The following PTPRD variants were observed in gnomAD, a reference collection of about 807,000 sequenced individuals.
The protein encoded by PTPRD is protein tyrosine phosphatase receptor type D, also known as receptor-type tyrosine-protein phosphatase delta.
Under a neutral mutation model 214.5 loss-of-function variants are expected in PTPRD, and 34 were observed. That is an observed-to-expected ratio of 0.16 (90% CI 0.12 to 0.21). The LOEUF is 0.21. PTPRD is among the 10% of genes least tolerant of loss of function. PTPRD has a pLI of 1.00. For synonymous variants in PTPRD, 1,128 were observed against 845.7 expected, an observed-to-expected ratio of 1.33 and a Z score of -5.79; for missense variants, 2,545 against 2,398.7, an observed-to-expected ratio of 1.06 and a Z score of -1.27.
intron 11 of PTPRD, among the ~76,000 whole-genome samples, chr9:9,005,621 A>T (rs753887586): frequency 9.9e-5 from 15 of 151,994 alleles, no homozygotes; most frequent in Non-Finnish European, 1.8e-4. Flanking sequence ...AGAAGACTAA[A>T]ATTCTGCTGC....
intron 3 of PTPRD, among the ~76,000 whole-genome samples, chr9:10,049,857 C>A (rs928436277): frequency 6.6e-6 from 1 of 152,160 alleles, no homozygotes; most frequent in Non-Finnish European, 1.5e-5. Context: ...TTACACCTGA[C>A]AAGGGACTTT....
chr9:9,298,165 C>A (rs1953838883), intron 9 of PTPRD, among the ~76,000 whole-genome samples: 2 of 151,550 alleles, frequency 1.3e-5, no homozygotes, highest in Admixed American at 6.6e-5. Flanking sequence ...TGAACTTAGG[C>A]AGTTGATAAA....
chr9:10,394,911 T>A (rs535460369), intron 2 of PTPRD, among the ~76,000 whole-genome samples: 2 of 151,646 alleles, frequency 1.3e-5, no homozygotes, highest in South Asian at 4.1e-4. Flanking sequence ...GGATTTAATA[T>A]GCATTTACTG....
At chr9:9,190,155 C>A (rs535294881) in intron 9 of PTPRD, among the ~76,000 whole-genome samples, 1 of 152,144 alleles carries the variant, frequency 6.6e-6, no homozygotes, top group South Asian at 2.1e-4. Context: ...GTGATTAGGT[C>A]ATGAGGGCTC....
intron 8 of PTPRD, among the ~76,000 whole-genome samples, chr9:9,472,949 ATATATT>A (rs1430814307): frequency 5.3e-5 from 8 of 152,154 alleles, no homozygotes; most frequent in Non-Finnish European, 1.0e-4. Flanking sequence ...TCCACACCTC[ATATATT>A]TATTATTTCT....
At chr9:9,928,456 C>T (rs2085121444) in intron 5 of PTPRD, among the ~76,000 whole-genome samples, 1 of 152,018 alleles carries the variant, frequency 6.6e-6, no homozygotes, top group African/African-American at 2.4e-5. Flanking sequence ...ATTTGATGGG[C>T]AGGCAATTTA....
At chr9:10,080,724 T>C (rs2098222802) in intron 3 of PTPRD, among the ~76,000 whole-genome samples, 1 of 152,154 alleles carries the variant, frequency 6.6e-6, no homozygotes, top group Admixed American at 6.6e-5. Flanking sequence ...CTTTTCTTTA[T>C]AGGGACTCCT....
intron 7 of PTPRD, among the ~76,000 whole-genome samples, chr9:9,645,437 T>C (rs2154368996): frequency 6.8e-6 from 1 of 146,702 alleles, no homozygotes; most frequent in African/African-American, 2.5e-5. Context: ...ATTATAATTA[T>C]CAGGTTTCCC....
intron 3 of PTPRD, among the ~76,000 whole-genome samples, chr9:10,278,792 T>C (rs558812253): frequency 1.7e-4 from 26 of 149,214 alleles, no homozygotes; most frequent in African/African-American, 5.9e-4. Context: ...GTTTTGTTTT[T>C]CAGATGGAGT....
chr9:10,076,411 G>T (rs550113519), intron 3 of PTPRD, among the ~76,000 whole-genome samples: 11 of 152,200 alleles, frequency 7.2e-5, no homozygotes, highest in African/African-American at 2.6e-4. Flanking sequence ...GTAGGAAAAG[G>T]AAACTGTGTT....
chr9:8,556,114 T>C (rs1334412843), intron 14 of PTPRD, among the ~76,000 whole-genome samples: 1 of 152,236 alleles, frequency 6.6e-6, no homozygotes, highest in Non-Finnish European at 1.5e-5. Flanking sequence ...CTCGCCCTGC[T>C]TAAGACTTCT....
intron 3 of PTPRD, among the ~76,000 whole-genome samples, chr9:10,159,907 G>C (rs1212345537): frequency 2.0e-5 from 3 of 151,814 alleles, no homozygotes; most frequent in African/African-American, 7.3e-5. Context: ...TGTTCAAAAG[G>C]GATTTGAGCA....
Position 8,989,735 on chromosome 9 carries a change from T to A in PTPRD, c.-104+28962A>T, listed in dbSNP as rs1008514930. ...GAAAGTTCACTCTTTAAAAAAATTA[T>A]AAGCGATTCTTACTTATGTCTTTAT... On this transcript the variant is annotated intron_variant, in intron 11 of 45. Coordinates refer to ENST00000381196, the MANE Select transcript of PTPRD (RefSeq NM_002839.4). 3.3e-5 allele frequency among the ~76,000 whole-genome samples: 5 copies of A among 152,276 alleles called. No individual in the cohort carries two copies. The East Asian group carries it at 9.7e-4, about 29-fold the overall frequency.
intron 10 of PTPRD, among the ~76,000 whole-genome samples, chr9:9,160,642 A>C (rs2099886350): frequency 6.6e-6 from 1 of 152,186 alleles, no homozygotes; most frequent in Non-Finnish European, 1.5e-5. Context: ...AAAAACTAAA[A>C]ATAGAACTAC....
intron 3 of PTPRD, among the ~76,000 whole-genome samples, chr9:10,310,144 G>A (rs984333259): frequency 6.6e-6 from 1 of 152,006 alleles, no homozygotes; most frequent in Admixed American, 6.6e-5. Context: ...TTAAAATCAT[G>A]TAAGAATAGT....
At chr9:9,839,487 A>C (rs1238524822) in intron 5 of PTPRD, among the ~76,000 whole-genome samples, 3 of 152,122 alleles carry the variant, frequency 2.0e-5, no homozygotes, top group African/African-American at 7.2e-5. Flanking sequence ...TAGGAATCCA[A>C]CTTACAAGGG....
At chr9:10,407,591 C>A (rs540702409) in intron 2 of PTPRD, among the ~76,000 whole-genome samples, 1 of 151,580 alleles carries the variant, frequency 6.6e-6, no homozygotes, top group East Asian at 2.0e-4. Flanking sequence ...AGGTTTACAA[C>A]TTTTTAGAAA....
chr9:8,937,547 T>C (rs1318590033), intron 11 of PTPRD, among the ~76,000 whole-genome samples: 1 of 152,150 alleles, frequency 6.6e-6, no homozygotes. Context: ...CAGTCTAGCA[T>C]TTTAGCAATC....
intron 7 of PTPRD, among the ~76,000 whole-genome samples, chr9:9,682,045 G>A (rs549503325): frequency 3.1e-4 from 47 of 151,812 alleles, no homozygotes; most frequent in East Asian, 1.9e-3. Flanking sequence ...TGACAATCTC[G>A]TTAAACTGCC....
Sources: allele counts gnomAD v4.1 joint callset (sites outside exome capture counted in the v4.1 genomes callset), GRCh38; gene constraint gnomAD v4.1.1; transcripts MANE v1.5; gene names NCBI Gene and HGNC (gene_info 2026-07-23, HGNC 2026-07-21).